LINGO2: variants seen among roughly 807,000 people sequenced by gnomAD.
LINGO2 encodes leucine-rich repeat and immunoglobulin-like domain-containing nogo receptor-interacting protein 2.
A neutral mutation model predicts 30.6 loss-of-function variants in LINGO2; 14 were observed. The observed-to-expected ratio is 0.46, with a 90% CI of 0.30 to 0.72. The LOEUF is 0.72. Among genes scored for constraint, LINGO2 ranks in the 30% least tolerant of loss-of-function variants. The pLI is 0.07. For synonymous variants in LINGO2, 317 were observed against 288.5 expected (o/e 1.10, Z -1.00); for missense variants, 729 against 751.7 (o/e 0.97, Z 0.35).
intron 1 of LINGO2, among the ~76,000 whole-genome samples, chr9:28,594,980 C>A (rs564159159): frequency 1.3e-5 from 2 of 152,154 alleles, no homozygotes; most frequent in Admixed American, 1.3e-4. Flanking sequence ...TGAAGAGGAC[C>A]TATTAAGTAA....
the LINGO2 span, among the ~76,000 whole-genome samples, chr9:29,008,061 T>A: frequency 1.3e-5 from 2 of 152,166 alleles, no homozygotes; most frequent in Non-Finnish European, 2.9e-5. Context: ...TATCTCCTAA[T>A]GCTATCCCTC....
At chr9:28,273,038 C>A (rs945913036) in intron 4 of LINGO2, among the ~76,000 whole-genome samples, 1 of 152,220 alleles carries the variant, frequency 6.6e-6, no homozygotes, top group South Asian at 2.1e-4. Flanking sequence ...TTTTAGTTCC[C>A]TCTATTAGAA....
chr9:28,219,939 TA>T (rs1820898903), intron 4 of LINGO2, among the ~76,000 whole-genome samples: 1 of 152,202 alleles, frequency 6.6e-6, no homozygotes, highest in Non-Finnish European at 1.5e-5. Flanking sequence ...ATCATATTTT[TA>T]AAATTCCAGA....
chr9:28,428,896 G>C (rs749280363), intron 2 of LINGO2, among the ~76,000 whole-genome samples: 3 of 152,082 alleles, frequency 2.0e-5, no homozygotes, highest in Non-Finnish European at 4.4e-5. Context: ...TAAACTTTTA[G>C]TGCATCCTAG....
At chr9:28,467,852 A>G (rs1439689029) in intron 2 of LINGO2, among the ~76,000 whole-genome samples, 1 of 152,100 alleles carries the variant, frequency 6.6e-6, no homozygotes, top group African/African-American at 2.4e-5. Context: ...ATGAATAACT[A>G]ACTAATTCTG....
the LINGO2 span, among the ~76,000 whole-genome samples, chr9:28,981,637 G>C: frequency 1.7e-3 from 253 of 152,198 alleles, no homozygotes; most frequent in African/African-American, 5.6e-3. Context: ...ATGGCAGAAA[G>C]TCAAATGGTA....
rs528420856 is a variant in LINGO2 at position 28,199,384 on chromosome 9, G to T, written c.-87+95824C>A. 9.4e-5 allele frequency among the ~76,000 whole-genome samples: 13 copies of T among 137,764 alleles called. 1 individual carries two copies. Among genetic ancestry groups the T allele is most frequent in the African/African-American group, 3.2e-4 (12 of 37,544 alleles). 90.4% of individuals were successfully genotyped at this position (137,764 alleles called of 152,430 possible). A position where few individuals can be genotyped will look rare whatever the true frequency, so the allele number is the denominator to read the frequency against. ...AGACGGAGTCTCGCTCTGTCGCCAG[G>T]CTGGAGTGCAGTGGCGCGATCTTGG... On this transcript the variant is annotated intron_variant, in intron 4 of 5. Transcript: ENST00000379992.
the LINGO2 span, among the ~76,000 whole-genome samples, chr9:29,210,401 C>T: frequency 4.6e-5 from 7 of 152,130 alleles, no homozygotes; most frequent in African/African-American, 1.7e-4. Context: ...ATATGTATGT[C>T]TTTGTTAATT....
At chr9:28,817,833 C>T in the LINGO2 span, among the ~76,000 whole-genome samples, 1 of 152,132 alleles carries the variant, frequency 6.6e-6, no homozygotes, top group East Asian at 1.9e-4. Flanking sequence ...TACACTTTGA[C>T]CTTTGGATTT....
At chr9:29,057,692 G>T in the LINGO2 span, among the ~76,000 whole-genome samples, 28 of 152,234 alleles carry the variant, frequency 1.8e-4, no homozygotes, top group Non-Finnish European at 3.7e-4. Context: ...CCTGCCTTGA[G>T]TCTGTAACAG....
chr9:28,712,788 T>C, the LINGO2 span, among the ~76,000 whole-genome samples: 6 of 152,276 alleles, frequency 3.9e-5, no homozygotes, highest in East Asian at 5.8e-4. Flanking sequence ...GCATGTGTTT[T>C]GCTTAAATAT....
At chr9:28,815,989 G>A in the LINGO2 span, among the ~76,000 whole-genome samples, 1 of 152,084 alleles carries the variant, frequency 6.6e-6, no homozygotes, top group African/African-American at 2.4e-5. Context: ...TAAGATCAAG[G>A]AGCCCCATCC....
At position 28,174,921 on chromosome 9, in the gene LINGO2, T is replaced by TGTGAGAGA. The variant is rs962695032; in HGVS notation, c.-87+120286_-87+120287insTCTCTCAC. Among the ~76,000 whole-genome samples, 554 of 133,384 alleles carry TGTGAGAGA rather than the reference T, an allele frequency of 4.2e-3. 4 individuals carry two copies. The highest frequency in any genetic ancestry group is 0.015 in the African/African-American group (519 of 35,444). The allele number at this position is 133,384 out of a possible 152,430, so 87.5% of individuals were successfully genotyped here. A position where few individuals can be genotyped will look rare whatever the true frequency, so the allele number is the denominator to read the frequency against. ...CTCTGTGTGTGTGTGTGTGTGTGTGTGAGAGAGAGAGAGAGAGAGAGAGAG... is the reference window on the plus strand; with the variant it reads ...CTCTGTGTGTGTGTGTGTGTGTGTGTGTGAGAGAGAGAGAGAGAGAGAGAGAGAGAGAG... On this transcript the variant is annotated intron_variant, in intron 4 of 5. Coordinates refer to ENST00000379992, the Ensembl canonical transcript of LINGO2.
intron 3 of LINGO2, among the ~76,000 whole-genome samples, chr9:28,325,844 C>T (rs987507456): frequency 6.6e-6 from 1 of 152,114 alleles, no homozygotes; most frequent in Non-Finnish European, 1.5e-5. Flanking sequence ...CCCTCCAGTA[C>T]TATCCTATTA....
At chr9:28,206,171 A>C (rs1260034220) in intron 4 of LINGO2, among the ~76,000 whole-genome samples, 5 of 149,946 alleles carry the variant, frequency 3.3e-5, no homozygotes, top group African/African-American at 1.2e-4. Flanking sequence ...TTTCAAAAAA[A>C]AAAAAAAAAA....
chr9:28,520,025 C>G (rs536753865), intron 1 of LINGO2, among the ~76,000 whole-genome samples: 11 of 152,148 alleles, frequency 7.2e-5, no homozygotes, highest in Non-Finnish European at 1.3e-4. Flanking sequence ...TTTTGTAAAC[C>G]ATAACATATC....
chr9:28,993,322 G>C, the LINGO2 span, among the ~76,000 whole-genome samples: 1 of 152,104 alleles, frequency 6.6e-6, no homozygotes, highest in African/African-American at 2.4e-5. Flanking sequence ...CCAGGAAAAA[G>C]TTGAATCTCT....
rs1297995428 is a variant in LINGO2 at position 27,948,659 on chromosome 9, G to T, written c.*192C>A. ...CACTTAGTATCCCACTGTGTGAAGG[G>T]CTCTGACACATGCCTGCCTGCCTGC... On this transcript the variant is annotated 3_prime_UTR_variant, in exon 6 of 6. Coordinates refer to ENST00000379992, the Ensembl canonical transcript of LINGO2. 6 of 662,400 alleles carry T rather than the reference G, an allele frequency of 9.1e-6. No individual in the cohort carries two copies. In the African/African-American group the frequency reaches 1.1e-4, roughly 12 times the overall value. The allele number at this position is 662,400 out of a possible 1,614,324, so 41.0% of individuals were successfully genotyped here. A position where few individuals can be genotyped will look rare whatever the true frequency, so the allele number is the denominator to read the frequency against.
In LINGO2 at chr9:28,277,606, C is replaced by A. The variant is rs140914776; in HGVS notation, c.-87+17602G>T. Among the ~76,000 whole-genome samples the A allele has an allele frequency of 1.3e-3, 197 of 152,116 alleles. 3 individuals are homozygous for A. The East Asian group carries it at 0.035, about 27-fold the overall frequency. Reference sequence around the variant, plus strand: ...GTCACCTGAGGTCAGGAGTTTGAGACCAGCCTGGCCAACATGGTGAAACCC... The same window carrying A: ...GTCACCTGAGGTCAGGAGTTTGAGAACAGCCTGGCCAACATGGTGAAACCC... On this transcript the variant is annotated intron_variant, in intron 4 of 5. Coordinates refer to ENST00000379992, the Ensembl canonical transcript of LINGO2.
Sources: allele counts gnomAD v4.1 joint callset (sites outside exome capture counted in the v4.1 genomes callset), GRCh38; gene constraint gnomAD v4.1.1; transcripts MANE v1.5; gene names NCBI Gene and HGNC (gene_info 2026-07-23, HGNC 2026-07-21).